Variants in CLOCK observed in about 807,000 individuals in gnomAD.
The protein encoded by CLOCK is circadian locomoter output cycles protein kaput.
A neutral mutation model predicts 118.4 loss-of-function variants in CLOCK; 43 were observed. The observed-to-expected ratio is 0.36, with a 90% confidence interval of 0.28 to 0.47. The LOEUF is 0.47. Ranked by LOEUF, CLOCK falls within the 20% of genes least tolerant of loss-of-function variation. The probability of loss-of-function intolerance (pLI) is 1.00; values close to 1 mark genes in which losing one functional copy is unlikely to be tolerated. For missense variants in CLOCK, 846 were observed against 999.9 expected (o/e 0.85, Z 2.08); for synonymous variants, 326 against 339.2 (o/e 0.96, Z 0.43).
At chr4:55,524,244 C>CA (rs1484693337) in intron 1 of CLOCK, among the ~76,000 whole-genome samples, 2 of 151,172 alleles carry the variant, frequency 1.3e-5, no homozygotes, top group Non-Finnish European at 2.9e-5. Context: ...CACACACACA[C>CA]AAAAAAAATT....
At chr4:55,524,952 A>G (rs1730081738) in intron 1 of CLOCK, among the ~76,000 whole-genome samples, 1 of 152,174 alleles carries the variant, frequency 6.6e-6, no homozygotes, top group East Asian at 1.9e-4. Flanking sequence ...AAAATACAAT[A>G]GTGACAATTT....
chr4:55,503,643 AT>A (rs1336447080), intron 2 of CLOCK, among the ~76,000 whole-genome samples: 1 of 151,864 alleles, frequency 6.6e-6, no homozygotes, highest in Admixed American at 6.6e-5. Flanking sequence ...CAGTCCCTTG[AT>A]TTTTTAAATT....
rs1727585170 is a variant in CLOCK, at chr4:55,490,323, A to C, written c.-135-858T>G. ...TCATTAGGAAAATATAGCAATTATA[A>C]ATATATATATATATACACCCAACAT... On this transcript the variant is annotated intron_variant, in intron 2 of 22. Coordinates refer to ENST00000513440, the MANE Select transcript of CLOCK (RefSeq NM_004898.4). Among the ~76,000 whole-genome samples, 6 of 150,550 alleles carry C rather than the reference A, an allele frequency of 4.0e-5. No homozygotes were observed. The South Asian group carries it at 1.3e-3, about 32-fold the overall frequency.
intron 9 of CLOCK, among the ~76,000 whole-genome samples, chr4:55,461,629 G>A (rs540759998): frequency 6.6e-6 from 1 of 152,224 alleles, no homozygotes; most frequent in Admixed American, 6.5e-5. Flanking sequence ...TGCAGGTCAG[G>A]TGAGCACAGC....
At position 55,435,399 on chromosome 4, in the gene CLOCK, A is replaced by G; in HGVS notation, c.*16T>C. 1 of 1,612,918 alleles carries G rather than the reference A, an allele frequency of 6.2e-7. No individual in the cohort carries two copies. The highest frequency in any genetic ancestry group is 1.1e-5 in the South Asian group (1 of 91,056). On this transcript the variant is annotated 3_prime_UTR_variant, in exon 23 of 23. Coordinates refer to ENST00000513440, the MANE Select transcript of CLOCK (RefSeq NM_004898.4). The stretch of plus-strand genomic sequence containing the variant: ...ATCCCCTTCCTCCCTTGATGTCAAG[A>G]GAGGAAGCACGTGTGCTACTGTGGT...
At chr4:55,545,101 C>CATGT (rs1176085520) in intron 1 of CLOCK, among the ~76,000 whole-genome samples, 1 of 143,562 alleles carries the variant, frequency 7.0e-6, no homozygotes, top group African/African-American at 2.5e-5. Context: ...TTCTAGGGTA[C>CATGT]ATGTGCACAA....
At chr4:55,520,599 G>A (rs146745145) in intron 1 of CLOCK, among the ~76,000 whole-genome samples, 1 of 152,238 alleles carries the variant, frequency 6.6e-6, no homozygotes, top group African/African-American at 2.4e-5. Flanking sequence ...TAAATCCACA[G>A]TAGACATACA....
chr4:55,538,917 T>C (rs1731076816), intron 1 of CLOCK, among the ~76,000 whole-genome samples: 1 of 152,140 alleles, frequency 6.6e-6, no homozygotes, highest in Non-Finnish European at 1.5e-5. Context: ...AACTACCAAC[T>C]TAGAACTTAA....
rs200911756 is a variant in CLOCK at position 55,458,969 on chromosome 4, G to C, written c.715C>G (p.Arg239Gly). Reference sequence around the variant, plus strand: ...TCTTCATAAGATGGCCTATGTGTGCGTTGTATAGTTCCTTCAAAACCATTG... The same window carrying C: ...TCTTCATAAGATGGCCTATGTGTGCCTTGTATAGTTCCTTCAAAACCATTG... ...AHNGFEGTIQ[R>G]THRPSYEDRV... Residue 239 changes from arginine to glycine, a missense_variant, in exon 11 of 23, where the codon CGC becomes GGC. Transcript: ENST00000513440. 1 of 1,613,746 alleles carries C rather than the reference G, an allele frequency of 6.2e-7. No homozygotes were observed. The highest frequency in any genetic ancestry group is 8.5e-7 in the Non-Finnish European group (1 of 1,179,876).
chr4:55,464,618 G>T (rs1725605773), intron 8 of CLOCK, among the ~76,000 whole-genome samples: 1 of 152,156 alleles, frequency 6.6e-6, no homozygotes, highest in African/African-American at 2.4e-5. Flanking sequence ...AAGTAAAAAG[G>T]AGCTGAGAAG....
intron 1 of CLOCK, among the ~76,000 whole-genome samples, chr4:55,530,275 C>CATCAG (rs1321240038): frequency 1.3e-5 from 2 of 152,060 alleles, no homozygotes; most frequent in Admixed American, 6.6e-5. Context: ...AATAACAAGA[C>CATCAG]AGAATAGCAT....
chr4:55,528,674 T>G (rs1272246976), intron 1 of CLOCK, among the ~76,000 whole-genome samples: 1 of 152,210 alleles, frequency 6.6e-6, no homozygotes, highest in Non-Finnish European at 1.5e-5. Context: ...AATCTACACA[T>G]GAAAGGACTA....
chr4:55,432,667 T>G lies in CLOCK; in HGVS notation c.*2748A>C, dbSNP rs1722599433. 2.0e-5 allele frequency: 3 copies of G among 151,460 alleles called. No individual in the cohort carries two copies. In the South Asian group the frequency reaches 6.3e-4, roughly 32 times the overall value. The allele number at this position is 151,460 out of a possible 1,614,324, so 9.4% of individuals were successfully genotyped here. A position where few individuals can be genotyped will look rare whatever the true frequency, so the allele number is the denominator to read the frequency against. Reference sequence around the variant, plus strand: ...GCTTTGCAACCCAAATTTAAGAGAATCAGGAGGAAAACAAAGCAGCAAAGA... The same window carrying G: ...GCTTTGCAACCCAAATTTAAGAGAAGCAGGAGGAAAACAAAGCAGCAAAGA... On this transcript the variant is annotated 3_prime_UTR_variant, in exon 23 of 23. Coordinates refer to ENST00000513440, the MANE Select transcript of CLOCK (RefSeq NM_004898.4).
At chr4:55,476,118 A>C (rs1257117432) in intron 6 of CLOCK, 64 bp from the exon 7 acceptor site, 2 of 1,026,144 alleles carry the variant, frequency 1.9e-6, no homozygotes, top group African/African-American at 3.1e-5. Flanking sequence ...AAGCCCTACA[A>C]GTTATCTTGT....
intron 19 of CLOCK, 89 bp downstream of exon 19, chr4:55,444,544 C>A: frequency 6.8e-7 from 1 of 1,465,024 alleles, no homozygotes; most frequent in South Asian, 1.1e-5. Flanking sequence ...GTATCTCTTG[C>A]ATCTCACTTT....
chr4:55,518,112 G>A (rs1729634300), intron 1 of CLOCK, among the ~76,000 whole-genome samples: 1 of 152,066 alleles, frequency 6.6e-6, no homozygotes, highest in African/African-American at 2.4e-5. Flanking sequence ...TAGAAGTTTG[G>A]GAGCTATTGT....
At chr4:55,496,353 GTTTA>G (rs1728086965) in intron 2 of CLOCK, among the ~76,000 whole-genome samples, 1 of 151,948 alleles carries the variant, frequency 6.6e-6, no homozygotes, top group African/African-American at 2.4e-5. Flanking sequence ...AGTAAAGCAA[GTTTA>G]TTTGACATGG....
chr4:55,506,172 C>T (rs931884864), intron 2 of CLOCK, among the ~76,000 whole-genome samples: 1 of 152,146 alleles, frequency 6.6e-6, no homozygotes. Flanking sequence ...TCATGTCTAC[C>T]CAGACTTCTT....
rs538639048 is a variant in CLOCK, at chr4:55,513,791, TATTG to T, written c.-289-3730_-289-3727del. ...CCTATCCATGAACATGTTATTTAGT[TATTG>T]TTTATCAGAGTTTTGAAGTTTTCTT... On this transcript the variant is annotated intron_variant, in intron 1 of 22. Coordinates refer to ENST00000513440, the MANE Select transcript of CLOCK (RefSeq NM_004898.4). Among the ~76,000 whole-genome samples, 12 of 152,226 alleles carry T rather than the reference TATTG, an allele frequency of 7.9e-5. No individual in the cohort carries two copies. The South Asian group carries it at 1.7e-3, about 21-fold the overall frequency.
Sources: allele counts gnomAD v4.1 joint callset (sites outside exome capture counted in the v4.1 genomes callset), GRCh38; gene constraint gnomAD v4.1.1; transcripts MANE v1.5; gene names NCBI Gene and HGNC (gene_info 2026-07-23, HGNC 2026-07-21).